Variants in GRM8 observed in about 807,000 individuals in gnomAD.
GRM8 encodes glutamate metabotropic receptor 8.
A neutral mutation model predicts 87.2 loss-of-function variants in GRM8; 47 were observed. The ratio of observed to expected loss-of-function variants is 0.54; its 90% CI spans 0.43 to 0.69. The LOEUF (loss-of-function observed/expected upper bound fraction) is 0.69. Among genes scored for constraint, GRM8 ranks in the 30% least tolerant of loss-of-function variants. The probability of loss-of-function intolerance (pLI) is 0.00; values close to 1 mark genes in which losing one functional copy is unlikely to be tolerated. For synonymous variants in GRM8, 396 were observed against 404.5 expected (o/e 0.98, Z 0.25); for missense variants, 1,019 against 1,139.2 (o/e 0.89, Z 1.52).
chr7:126,707,663 C>G (rs949495327), intron 7 of GRM8, among the ~76,000 whole-genome samples: 3 of 152,100 alleles, frequency 2.0e-5, no homozygotes, highest in Non-Finnish European at 2.9e-5. Context: ...GAAAGAAAGT[C>G]TCTTTTATAA....
chr7:126,651,869 C>A (rs766479248), intron 7 of GRM8, among the ~76,000 whole-genome samples: 9 of 152,196 alleles, frequency 5.9e-5, no homozygotes, highest in Non-Finnish European at 1.2e-4. Flanking sequence ...TGGGAAACTA[C>A]AACAGCCCAA....
intron 2 of GRM8, among the ~76,000 whole-genome samples, chr7:127,216,161 C>T (rs1796513554): frequency 6.6e-6 from 1 of 152,118 alleles, no homozygotes; most frequent in Non-Finnish European, 1.5e-5. Context: ...AGCTAGAATG[C>T]CTAAAAATTT....
intron 9 of GRM8, among the ~76,000 whole-genome samples, chr7:126,529,386 TA>T (rs780450004): frequency 2.6e-5 from 4 of 152,180 alleles, no homozygotes; most frequent in Non-Finnish European, 5.9e-5. Context: ...AGACATTGCT[TA>T]TTGTCCACAA....
intron 8 of GRM8, among the ~76,000 whole-genome samples, chr7:126,571,200 AT>A (rs928427601): frequency 6.6e-6 from 1 of 152,212 alleles, no homozygotes; most frequent in Non-Finnish European, 1.5e-5. Context: ...GAAATTTTTA[AT>A]AAATATCAGA....
chr7:126,718,234 AAATAAT>A (rs576311573), intron 7 of GRM8, among the ~76,000 whole-genome samples: 10 of 151,738 alleles, frequency 6.6e-5, no homozygotes, highest in African/African-American at 1.7e-4. Context: ...TCTGTCTCAA[AAATAAT>A]AATAATAATA....
At chr7:126,458,022 CAA>C (rs536344446) in intron 9 of GRM8, among the ~76,000 whole-genome samples, 2 of 136,314 alleles carry the variant, frequency 1.5e-5, no homozygotes, top group African/African-American at 2.7e-5. Flanking sequence ...TGTTGTTAGC[CAA>C]AAAAAAAAAT....
chr7:126,564,861 TA>T (rs1375555499), intron 8 of GRM8, among the ~76,000 whole-genome samples: 1 of 152,044 alleles, frequency 6.6e-6, no homozygotes, highest in Non-Finnish European at 1.5e-5. Flanking sequence ...AATAGCACAT[TA>T]AAAGGATCAT....
intron 7 of GRM8, among the ~76,000 whole-genome samples, chr7:126,617,529 C>T (rs1243487642): frequency 6.6e-5 from 10 of 152,016 alleles, no homozygotes; most frequent in African/African-American, 9.7e-5. Context: ...CTGGCCAGGG[C>T]AATCAGGCAG....
intron 7 of GRM8, among the ~76,000 whole-genome samples, chr7:126,638,306 T>C (rs559645086): frequency 6.6e-6 from 1 of 152,288 alleles, no homozygotes; most frequent in South Asian, 2.1e-4. Context: ...TTGTATGACA[T>C]AGAAGCCTCC....
chr7:126,573,880 C>T (rs1010059028), intron 8 of GRM8, among the ~76,000 whole-genome samples: 5 of 152,154 alleles, frequency 3.3e-5, no homozygotes, highest in Admixed American at 2.0e-4. Flanking sequence ...AGCCACCATG[C>T]CCATCCTCAA....
chr7:126,928,108 TAACAC>T (rs1161135457), intron 3 of GRM8, among the ~76,000 whole-genome samples: 2 of 151,534 alleles, frequency 1.3e-5, no homozygotes, highest in Non-Finnish European at 2.9e-5. Context: ...CTCAGCAAAC[TAACAC>T]AAGGACAGAA....
chr7:126,755,288 T>C (rs1478219987), intron 7 of GRM8, among the ~76,000 whole-genome samples: 1 of 151,968 alleles, frequency 6.6e-6, no homozygotes, highest in Non-Finnish European at 1.5e-5. Context: ...ATAGTTTCTG[T>C]GTATAAGAAG....
chr7:127,160,352 A>G (rs17867288), intron 2 of GRM8, among the ~76,000 whole-genome samples: 1 of 152,180 alleles, frequency 6.6e-6, no homozygotes, highest in Non-Finnish European at 1.5e-5. Flanking sequence ...CAAATTTAAT[A>G]AGATAAACAA....
chr7:126,702,899 A>G (rs1810088287), intron 7 of GRM8, among the ~76,000 whole-genome samples: 2 of 152,184 alleles, frequency 1.3e-5, no homozygotes, highest in Admixed American at 1.3e-4. Flanking sequence ...CATGTGGCAA[A>G]TAAGGGGAAG....
intron 6 of GRM8, among the ~76,000 whole-genome samples, chr7:126,795,168 T>A (rs1167050028): frequency 6.6e-6 from 1 of 152,172 alleles, no homozygotes; most frequent in Non-Finnish European, 1.5e-5. Context: ...CTTTCCTTTT[T>A]GAGTCAACTG....
At chr7:127,179,709 T>C (rs1358272196) in intron 2 of GRM8, among the ~76,000 whole-genome samples, 2 of 152,052 alleles carry the variant, frequency 1.3e-5, no homozygotes, top group Non-Finnish European at 2.9e-5. Flanking sequence ...TTCAGAACCA[T>C]GCAAATGCAT....
chr7:126,805,144 G>A (rs1425387855), intron 6 of GRM8, among the ~76,000 whole-genome samples: 1 of 152,060 alleles, frequency 6.6e-6, no homozygotes, highest in Non-Finnish European at 1.5e-5. Flanking sequence ...AAAGAAATTG[G>A]CTCAGAAAGG....
chr7:126,635,009 C>T (rs533029496), intron 7 of GRM8, among the ~76,000 whole-genome samples: 5 of 152,262 alleles, frequency 3.3e-5, no homozygotes, highest in African/African-American at 4.8e-5. Context: ...CATCCCTGTG[C>T]GTGTTCCCTC....
chr7:126,781,334 C>T (rs779752890), intron 6 of GRM8, among the ~76,000 whole-genome samples: 2 of 152,110 alleles, frequency 1.3e-5, no homozygotes, highest in Non-Finnish European at 2.9e-5. Flanking sequence ...TCCAACACTG[C>T]GTTATCATTA....
Sources: gnomAD v4.1 joint callset for allele counts (sites outside exome capture counted in the v4.1 genomes callset) on GRCh38, gnomAD v4.1.1 for gene constraint, MANE v1.5 for transcripts, NCBI Gene and HGNC (gene_info 2026-07-23, HGNC 2026-07-21) for gene names.